The following NME2 variants were observed in gnomAD, a reference collection of about 807,000 sequenced individuals.
NME2 encodes NME/NM23 nucleoside diphosphate kinase 2, also known as nucleoside diphosphate kinase B.
A neutral mutation model predicts 17.8 loss-of-function variants in NME2; 18 were observed. The ratio of observed to expected loss-of-function variants is 1.01; its 90% CI spans 0.70 to 1.50. The LOEUF (loss-of-function observed/expected upper bound fraction) is 1.50, where lower values mean the gene tolerates loss of function less well. Ranked by LOEUF, NME2 falls within the 40% of genes most tolerant of loss-of-function variation. The probability of loss-of-function intolerance (pLI) is 0.00; values close to 1 mark genes in which losing one functional copy is unlikely to be tolerated. For missense variants in NME2, 161 were observed against 195.6 expected, an observed-to-expected ratio of 0.82 and a Z score of 1.05; for synonymous variants, 74 against 71.4, an observed-to-expected ratio of 1.04 and a Z score of -0.19.
chr17:51,166,595 C>A (rs923533259), intron 1 of NME2, 98 bp downstream of exon 1: 2 of 300,462 alleles, frequency 6.7e-6, no homozygotes, highest in Non-Finnish European at 1.2e-5. Flanking sequence ...CCCCCGATTT[C>A]CCGCAGGTCC....
chr17:51,166,890 G>C lies in NME2; in HGVS notation c.60G>C (p.Leu20=), dbSNP rs2049953146. 3.1e-6 allele frequency: 5 copies of C among 1,613,818 alleles called. No individual in the cohort carries two copies. Among genetic ancestry groups the C allele is most frequent in the Non-Finnish European group, 4.2e-6 (5 of 1,179,860 alleles). ...AGCCGGACGGCGTGCAGCGCGGCCT[G>C]GTGGGCGAGATCATCAAGCGCTTCG... ...AIKPDGVQRG[L]VGEIIKRFEQ... is the part of the protein sequence containing the mutation. Residue 20 remains leucine (L), a synonymous_variant, in exon 2 of 5, where the codon CTG becomes CTC. Coordinates refer to ENST00000512737, the MANE Select transcript of NME2 (RefSeq NM_002512.4).
At chr17:51,170,391 C>T (rs994410810) in intron 4 of NME2, among the ~76,000 whole-genome samples, 1 of 151,888 alleles carries the variant, frequency 6.6e-6, no homozygotes, top group African/African-American at 2.4e-5. Context: ...CCGCCTGCCT[C>T]GGCCCCCCAA....
At chr17:51,169,704 A>T (rs1024677087) in intron 3 of NME2, 5 of 450,484 alleles carry the variant, frequency 1.1e-5, no homozygotes, top group African/African-American at 1.0e-4. Flanking sequence ...AACATTGTTT[A>T]TCTCTGTCTC....
chr17:51,167,223 C>A, intron 2 of NME2: 1 of 606,816 alleles, frequency 1.6e-6, no homozygotes, highest in Non-Finnish European at 2.6e-6. Flanking sequence ...TGCCCACCCG[C>A]CGCAGGGGGG....
At chr17:51,167,454 C>G (rs1247549963) in intron 2 of NME2, 1 of 177,014 alleles carries the variant, frequency 5.6e-6, no homozygotes, top group Non-Finnish European at 1.2e-5. Flanking sequence ...AATCTAAGTA[C>G]TGAAATTCAA....
chr17:51,166,930 C>A lies in NME2; in HGVS notation c.100C>A (p.Arg34Ser), dbSNP rs769019037. 1 of 1,613,772 alleles carries A rather than the reference C, an allele frequency of 6.2e-7. No individual in the cohort carries two copies. Residue 34 changes from arginine to serine, a missense_variant, in exon 2 of 5, where the codon CGC (arginine) becomes AGC (serine). Arg to Ser is a moderately radical substitution (Grantham distance 110). Coordinates refer to ENST00000512737, the MANE Select transcript of NME2 (RefSeq NM_002512.4). ...IIKRFEQKGFRLVAMKFLRAS... is the reference protein window; with the variant it reads ...IIKRFEQKGFSLVAMKFLRAS... ...CAAGCGCTTCGAGCAGAAGGGATTC[C>A]GCCTCGTGGCCATGAAGTTCCTCCG...
At chr17:51,171,457 A>G (rs1339171379) in intron 4 of NME2, 30 bp from the exon 5 acceptor site, 5 of 1,604,338 alleles carry the variant, frequency 3.1e-6, no homozygotes, top group Non-Finnish European at 4.3e-6. Context: ...ACTTTAAAAC[A>G]TGGCAACTTG....
In NME2 at chr17:51,166,514, G is replaced by A; in HGVS notation, c.-5+17G>A. On this transcript the variant is annotated intron_variant, in intron 1 of 4. Transcript: ENST00000512737. ...AGCTTCCCGGTAAGGCGGTGGGGGC[G>A]CATCCCCTGGCGACTCCTCCCGTTC... 5.5e-6 allele frequency: 1 copy of A among 182,876 alleles called. No individual in the cohort carries two copies. The highest frequency in any genetic ancestry group is 1.1e-5 in the Non-Finnish European group (1 of 89,150). The allele number at this position is 182,876 out of a possible 1,614,324, so 11.3% of individuals were successfully genotyped here.
At chr17:51,167,125 G>A in intron 2 of NME2, 169 bp downstream of exon 2, 1 of 1,433,238 alleles carries the variant, frequency 7.0e-7, no homozygotes, top group South Asian at 1.3e-5. Flanking sequence ...CTTTCCCGGG[G>A]TGGTGGGGAC....
Position 51,171,418 on chromosome 17 carries a change from A to T in NME2, c.342-69A>T, listed in dbSNP as rs187530827. ...GCTGAAAGAGTCTGGAGTGCTGTCC[A>T]TTGCGGTACCCATTAAACAGACTTT... is the stretch of plus-strand genomic sequence containing the variant. On this transcript the variant is annotated intron_variant, in intron 4 of 4. Coordinates refer to ENST00000512737, the MANE Select transcript of NME2 (RefSeq NM_002512.4). 2.3e-5 allele frequency: 32 copies of T among 1,388,720 alleles called. No homozygotes were observed. In the African/African-American group the frequency reaches 3.1e-4, roughly 14 times the overall value. 86.0% of individuals were successfully genotyped at this position (1,388,720 alleles called of 1,614,324 possible).
In NME2 at chr17:51,170,002, T is replaced by A. The variant is rs1804016; in HGVS notation, c.294T>A (p.Asp98Glu). The change falls in exon 4 of 5, where the codon GAT (aspartate) becomes GAA (glutamate). Residue 98 changes from aspartate to glutamate, a missense_variant. Physicochemically the swap from Asp to Glu is conservative, Grantham distance 45. Transcript: ENST00000512737. ...RVMLGETNPA[D>E]SKPGTIRGDF... ...TGCTTGGGGAGACCAATCCAGCAGA[T>A]TCAAAGCCAGGCACCATTCGTGGGG... is the stretch of plus-strand genomic sequence containing the variant. 1 of 1,613,228 alleles carries A rather than the reference T, an allele frequency of 6.2e-7. No homozygotes were observed. The highest frequency in any genetic ancestry group is 1.1e-5 in the South Asian group (1 of 90,874).
intron 4 of NME2, 45 bp downstream of exon 4, chr17:51,170,094 T>A (rs144147138): frequency 6.8e-7 from 1 of 1,465,954 alleles, no homozygotes; most frequent in Non-Finnish European, 9.3e-7. Context: ...TGCAACACCA[T>A]TTAAAGCAGA....
Position 51,169,958 on chromosome 17 carries a change from G to C in NME2, c.250G>C (p.Val84Leu). The C allele has an allele frequency of 6.2e-7, 1 of 1,613,554 alleles. No individual in the cohort carries two copies. Among genetic ancestry groups the C allele is most frequent in the Non-Finnish European group, 8.5e-7 (1 of 1,179,824 alleles). The change falls in exon 4 of 5, where the codon GTG becomes CTG. Residue 84 changes from valine (V) to leucine (L), a missense_variant. By Grantham distance (32) the Val-to-Leu change is conservative. Transcript: ENST00000512737. Reference protein sequence around the residue: ...VAMVWEGLNVVKTGRVMLGET... With the variant: ...VAMVWEGLNVLKTGRVMLGET... ...CGAGGTCTGGGAGGGGCTGAACGTG[G>C]TGAAGACAGGCCGAGTGATGCTTGG... is the stretch of plus-strand genomic sequence containing the variant.
chr17:51,166,964 G>T lies in NME2; in HGVS notation c.126+8G>T, dbSNP rs763935910. On this transcript the variant is annotated splice_region_variant and intron_variant, in intron 2 of 4. Coordinates refer to ENST00000512737, the MANE Select transcript of NME2 (RefSeq NM_002512.4). Reference sequence around the variant, plus strand: ...GCCATGAAGTTCCTCCGGGTAACTCGCCCCCGTCTCCCCTTCCCCGCTGCA... The same window carrying T: ...GCCATGAAGTTCCTCCGGGTAACTCTCCCCCGTCTCCCCTTCCCCGCTGCA... 1.3e-5 allele frequency: 21 copies of T among 1,612,650 alleles called. No homozygotes were observed. Among genetic ancestry groups the T allele is most frequent in the Non-Finnish European group, 1.4e-5 (17 of 1,179,484 alleles).
intron 4 of NME2, among the ~76,000 whole-genome samples, chr17:51,170,368 G>A (rs1443921103): frequency 6.6e-6 from 1 of 151,780 alleles, no homozygotes; most frequent in African/African-American, 2.4e-5. Context: ...TCAAACTCCT[G>A]ACCTCAGGTG....
rs774365444 is a variant in NME2 at position 51,170,032 on chromosome 17, C to A, written c.324C>A (p.Phe108Leu). ...AGCCAGGCACCATTCGTGGGGACTT[C>A]TGCATTCAGGTTGGCAGGTAAGTCC... ...DSKPGTIRGDFCIQVGRNIIH... is the reference protein window; with the variant it reads ...DSKPGTIRGDLCIQVGRNIIH... Residue 108 changes from phenylalanine (F) to leucine (L), a missense_variant, in exon 4 of 5, where the codon TTC becomes TTA. Phe to Leu is a conservative substitution (Grantham distance 22). Transcript: ENST00000512737. 1 of 1,608,652 alleles carries A rather than the reference C, an allele frequency of 6.2e-7. No individual in the cohort carries two copies. Among genetic ancestry groups the A allele is most frequent in the Non-Finnish European group, 8.5e-7 (1 of 1,177,806 alleles).
intron 3 of NME2, 103 bp from the exon 4 acceptor site, chr17:51,169,834 C>A: frequency 2.0e-6 from 2 of 1,016,012 alleles, no homozygotes; most frequent in Non-Finnish European, 3.0e-6. Flanking sequence ...AATCATGTCA[C>A]TGATCGGTCT....
chr17:51,168,117 A>G (rs866147502), intron 2 of NME2, 125 bp from the exon 3 acceptor site: 1 of 699,228 alleles, frequency 1.4e-6, no homozygotes, highest in Admixed American at 2.8e-5. Context: ...ATATATATAT[A>G]TTTCCACACA....
At chr17:51,170,405 G>A (rs1014814330) in intron 4 of NME2, among the ~76,000 whole-genome samples, 1 of 151,958 alleles carries the variant, frequency 6.6e-6, no homozygotes, top group South Asian at 2.1e-4. Context: ...CCCCCAAGGT[G>A]CTGGGATTAC....
Sources: gnomAD v4.1 joint callset for allele counts (sites outside exome capture counted in the v4.1 genomes callset) on GRCh38, gnomAD v4.1.1 for gene constraint, MANE v1.5 for transcripts, NCBI Gene and HGNC (gene_info 2026-07-23, HGNC 2026-07-21) for gene names.